SCUBE1: variants seen among roughly 807,000 people sequenced by gnomAD.
SCUBE1 encodes signal peptide, CUB domain and EGF like domain containing 1.
SCUBE1 carries 59 observed loss-of-function variants against 124.4 expected under a neutral mutation model. That is an observed-to-expected ratio of 0.47 (90% CI 0.38 to 0.59). The LOEUF (loss-of-function observed/expected upper bound fraction) is 0.59. Among genes scored for constraint, SCUBE1 ranks in the 20% least tolerant of loss-of-function variants. SCUBE1 has a pLI of 0.00. For synonymous variants in SCUBE1, 545 were observed against 550.9 expected, an observed-to-expected ratio of 0.99 and a Z score of 0.15; for missense variants, 1,150 against 1,371.2, an observed-to-expected ratio of 0.84 and a Z score of 2.55.
chr22:43,304,359 G>T (rs949445087), intron 3 of SCUBE1, among the ~76,000 whole-genome samples: 8 of 152,226 alleles, frequency 5.3e-5, no homozygotes, highest in African/African-American at 1.9e-4. Context: ...AGGGAAAGAC[G>T]AGGCCAAGGC....
chr22:43,251,351 C>A (rs573987609), intron 6 of SCUBE1, among the ~76,000 whole-genome samples: 20 of 152,326 alleles, frequency 1.3e-4, no homozygotes, highest in African/African-American at 4.6e-4. Flanking sequence ...TCAGCCCAAG[C>A]AGAACCATCT....
intron 4 of SCUBE1, among the ~76,000 whole-genome samples, chr22:43,266,347 C>G (rs1336506959): frequency 6.6e-6 from 1 of 152,126 alleles, no homozygotes; most frequent in Admixed American, 6.5e-5. Context: ...CCTACAACCA[C>G]TGCAAGGATG....
Position 43,203,971 on chromosome 22 carries a change from C to T in SCUBE1, c.*26G>A. The T allele has an allele frequency of 6.2e-7, 1 of 1,612,784 alleles. No homozygotes were observed. On this transcript the variant is annotated 3_prime_UTR_variant, in exon 22 of 22. Coordinates refer to ENST00000360835, the MANE Select transcript of SCUBE1 (RefSeq NM_173050.5). ...GGTGCACCCTCCGCGGACCAGGCCA[C>T]CCCCAGGCAGGGCCGCTCCCCCCGG...
Position 43,211,694 on chromosome 22 carries a change from A to G in SCUBE1, c.2222-611T>C, listed in dbSNP as rs1569496020. On this transcript the variant is annotated intron_variant, in intron 17 of 21. Transcript: ENST00000360835. This position sits in a 1 kb window ranked among gnomAD's most constrained non-coding sequence, Gnocchi z 4.5. ...ACCACACCCGGCTAATTATTTTTGT[A>G]TTTTTTTTAAGTAGAGACAGGGTTT... Among the ~76,000 whole-genome samples the G allele has an allele frequency of 6.6e-6, 1 of 151,380 alleles. No individual in the cohort carries two copies. The highest frequency in any genetic ancestry group is 1.9e-4 in the East Asian group (1 of 5,156).
chr22:43,266,536 G>A (rs1308262228), intron 4 of SCUBE1, among the ~76,000 whole-genome samples: 1 of 152,122 alleles, frequency 6.6e-6, no homozygotes, highest in East Asian at 1.9e-4. Flanking sequence ...TCCCTGCAGC[G>A]CATCTTGTCT....
At chr22:43,262,632 C>A in intron 5 of SCUBE1, 88 bp downstream of exon 5, 1 of 1,546,826 alleles carries the variant, frequency 6.5e-7, no homozygotes, top group Non-Finnish European at 8.8e-7. Flanking sequence ...CCCTCCCTGG[C>A]CAAAGTCCAG....
chr22:43,220,704 A>G, intron 13 of SCUBE1, 117 bp from the exon 14 acceptor site: 1 of 1,335,712 alleles, frequency 7.5e-7, no homozygotes, highest in Non-Finnish European at 1.0e-6. Context: ...GTGCAGACGG[A>G]AAAACTCAGG....
rs1289475081 is a variant in SCUBE1 at position 43,334,600 on chromosome 22, G to GCACCATCAACATTATCATCAC, written c.220+4483_220+4503dup. ...CACCCTCATCAACAGCACCATAACA[G>GCACCATCAACATTATCATCAC]CACCATCAACATTATCATCACCACC... On this transcript the variant is annotated intron_variant, in intron 2 of 21. Coordinates refer to ENST00000360835, the MANE Select transcript of SCUBE1 (RefSeq NM_173050.5). 1.6e-3 allele frequency among the ~76,000 whole-genome samples: 246 copies of GCACCATCAACATTATCATCAC among 149,628 alleles called. 2 individuals are homozygous for GCACCATCAACATTATCATCAC. Among genetic ancestry groups the GCACCATCAACATTATCATCAC allele is most frequent in the Non-Finnish European group, 2.9e-3 (193 of 66,900 alleles).
chr22:43,236,664 A>G (rs1046037571), intron 7 of SCUBE1, among the ~76,000 whole-genome samples: 1 of 151,962 alleles, frequency 6.6e-6, no homozygotes, highest in African/African-American at 2.4e-5. Flanking sequence ...CAGTGCTGAA[A>G]ATGCTTCCCC....
chr22:43,236,777 G>A (rs978733146), intron 7 of SCUBE1, among the ~76,000 whole-genome samples: 4 of 152,156 alleles, frequency 2.6e-5, no homozygotes, highest in Non-Finnish European at 4.4e-5. Context: ...CAAGCAGCCT[G>A]TGATACTCAA....
At chr22:43,294,822 A>G (rs1601868052) in intron 3 of SCUBE1, among the ~76,000 whole-genome samples, 1 of 151,782 alleles carries the variant, frequency 6.6e-6, no homozygotes, top group Non-Finnish European at 1.5e-5. Flanking sequence ...ATCCCAGCCC[A>G]CCCCCAAGCC....
intron 3 of SCUBE1, among the ~76,000 whole-genome samples, chr22:43,291,479 G>GTACAGTGC (rs1925355504): frequency 6.6e-6 from 1 of 152,096 alleles, no homozygotes; most frequent in Non-Finnish European, 1.5e-5. Flanking sequence ...TGCTACAGTG[G>GTACAGTGC]TACAGTGGTA....
chr22:43,244,192 G>A (rs936228686), intron 6 of SCUBE1, among the ~76,000 whole-genome samples: 2 of 152,048 alleles, frequency 1.3e-5, no homozygotes, highest in East Asian at 1.9e-4. Context: ...ACCCCAGCAC[G>A]GTTCCTCAGG....
intron 3 of SCUBE1, among the ~76,000 whole-genome samples, chr22:43,309,310 T>C (rs996056362): frequency 6.6e-6 from 1 of 152,204 alleles, no homozygotes; most frequent in African/African-American, 2.4e-5. Flanking sequence ...TAAGCACTGT[T>C]ACCAGCCCCA....
chr22:43,277,309 G>A (rs1295741946), intron 4 of SCUBE1, among the ~76,000 whole-genome samples: 2 of 152,110 alleles, frequency 1.3e-5, no homozygotes, highest in Non-Finnish European at 2.9e-5. Context: ...CCATGGGAAG[G>A]TCTTGAGTGG....
At chr22:43,273,543 T>C (rs1924372808) in intron 4 of SCUBE1, among the ~76,000 whole-genome samples, 1 of 136,402 alleles carries the variant, frequency 7.3e-6, no homozygotes, top group Admixed American at 7.6e-5. Context: ...ATTTATAAAG[T>C]GGGGAGACTA....
intron 2 of SCUBE1, among the ~76,000 whole-genome samples, chr22:43,323,530 G>A (rs1272185176): frequency 1.3e-5 from 2 of 151,866 alleles, no homozygotes; most frequent in East Asian, 1.9e-4. Context: ...GCATCCATCT[G>A]TCTAAATATT....
chr22:43,218,929 T>C (rs1206727860), intron 14 of SCUBE1, among the ~76,000 whole-genome samples: 2 of 152,194 alleles, frequency 1.3e-5, no homozygotes, highest in Admixed American at 6.5e-5. Flanking sequence ...TACTTACTGC[T>C]TCCTGGACAC....
At chr22:43,269,553 T>A (rs1924210164) in intron 4 of SCUBE1, among the ~76,000 whole-genome samples, 1 of 152,022 alleles carries the variant, frequency 6.6e-6, no homozygotes, top group Non-Finnish European at 1.5e-5. Flanking sequence ...TGCATCCATG[T>A]CCCTTAAATA....
Sources: gnomAD v4.1 joint callset for allele counts (sites outside exome capture counted in the v4.1 genomes callset) on GRCh38, gnomAD v4.1.1 for gene constraint, Gnocchi (gnomAD v3.1) non-coding constraint, MANE v1.5 for transcripts, NCBI Gene and HGNC (gene_info 2026-07-23, HGNC 2026-07-21) for gene names.